Variants in APMAP observed in about 807,000 individuals in gnomAD.
APMAP encodes adipocyte plasma membrane-associated protein.
Under a neutral mutation model 43.6 loss-of-function variants are expected in APMAP, and 33 were observed. That is an observed-to-expected ratio of 0.76 (90% CI 0.57 to 1.01). The LOEUF (loss-of-function observed/expected upper bound fraction) is 1.01. Ranked by LOEUF, APMAP falls within the 50% of genes least tolerant of loss-of-function variation. The probability of loss-of-function intolerance (pLI) is 0.00; values close to 1 mark genes in which losing one functional copy is unlikely to be tolerated. For synonymous variants in APMAP, 224 were observed against 216.7 expected (o/e 1.03, Z -0.30); for missense variants, 498 against 540.7 (o/e 0.92, Z 0.78).
rs547447032 is a variant in APMAP at position 24,983,169 on chromosome 20, A to T, written c.212+734T>A. Among the ~76,000 whole-genome samples the T allele has an allele frequency of 4.9e-3, 750 of 152,384 alleles. 4 individuals are homozygous for T. The highest frequency in any genetic ancestry group is 0.017 in the Middle Eastern group (5 of 294). On this transcript the variant is annotated intron_variant, in intron 2 of 8. Coordinates refer to ENST00000217456, the MANE Select transcript of APMAP (RefSeq NM_020531.3). ...TTAATTTTTATGGATAAAACACTAC[A>T]TTATTCAGCTAGTATGTTATATTCA...
chr20:24,970,060 GCCA>G, intron 6 of APMAP, 134 bp downstream of exon 6: 1 of 1,076,064 alleles, frequency 9.3e-7, no homozygotes, highest in South Asian at 1.6e-5. Flanking sequence ...GCCTCCAGAA[GCCA>G]CTAAGGTCCT....
intron 2 of APMAP, among the ~76,000 whole-genome samples, chr20:24,983,566 T>C (rs2008275): frequency 0.47 from 71,383 of 152,114 alleles, 18,190 homozygotes; most frequent in East Asian, 0.92. Flanking sequence ...TTACAAAATT[T>C]AAATGAGGTA....
intron 8 of APMAP, among the ~76,000 whole-genome samples, chr20:24,964,984 C>T (rs904247085): frequency 6.6e-6 from 1 of 152,174 alleles, no homozygotes; most frequent in Non-Finnish European, 1.5e-5. Context: ...GGATCCTTCC[C>T]ACTCTCCTCT....
chr20:24,970,395 A>G (rs1200651130), intron 5 of APMAP, 24 bp from the exon 6 acceptor site: 10 of 1,594,102 alleles, frequency 6.3e-6, no homozygotes, highest in Admixed American at 5.2e-5. Flanking sequence ...AGAAAGAAAA[A>G]GATTGACTTG....
chr20:24,968,914 C>T lies in APMAP; in HGVS notation c.1019G>A (p.Trp340Ter). ...SMLDFLSERP[W>*]IKRMIFKLFS... ...TACCTTAAAAATCATCCTTTTAATC[C>T]AGGGTCTCTCAGATAAGAAATCCAG... Residue 340 changes from tryptophan to a stop codon, truncating the protein, a stop_gained, in exon 8 of 9, where the codon TGG becomes TAG. Transcript: ENST00000217456. LOFTEE classifies it high-confidence loss of function. 6.3e-7 allele frequency: 1 copy of T among 1,599,460 alleles called. No individual in the cohort carries two copies. The highest frequency in any genetic ancestry group is 1.1e-5 in the South Asian group (1 of 88,216).
At chr20:24,966,102 G>T (rs2087940659) in intron 8 of APMAP, among the ~76,000 whole-genome samples, 1 of 152,144 alleles carries the variant, frequency 6.6e-6, no homozygotes, top group Non-Finnish European at 1.5e-5. Flanking sequence ...CCTCCACAAG[G>T]AACCAGGGCT....
Position 24,980,103 on chromosome 20 carries a change from A to C in APMAP, c.213-1221T>G, listed in dbSNP as rs2088089027. On this transcript the variant is annotated intron_variant, in intron 2 of 8. Coordinates refer to ENST00000217456, the MANE Select transcript of APMAP (RefSeq NM_020531.3). ...TTGTCCCCACTAGAACATACGCTCCATGAGATCAGGGATTTCTTTCTGTGT... is the reference window on the plus strand; with the variant it reads ...TTGTCCCCACTAGAACATACGCTCCCTGAGATCAGGGATTTCTTTCTGTGT... Among the ~76,000 whole-genome samples, 6 of 152,182 alleles carry C rather than the reference A, an allele frequency of 3.9e-5. No homozygotes were observed. In the South Asian group the frequency reaches 1.2e-3, roughly 32 times the overall value.
chr20:24,976,180 G>T (rs1017273244), intron 3 of APMAP, among the ~76,000 whole-genome samples: 1 of 152,138 alleles, frequency 6.6e-6, no homozygotes, highest in Non-Finnish European at 1.5e-5. Flanking sequence ...TGAGATACAT[G>T]AAGAAATAAT....
intron 6 of APMAP, 47 bp downstream of exon 6, chr20:24,970,150 C>G: frequency 6.2e-7 from 1 of 1,606,880 alleles, no homozygotes; most frequent in African/African-American, 1.3e-5. Flanking sequence ...AAGCAACTGG[C>G]CTGGCTGGTG....
At position 24,963,556 on chromosome 20, in the gene APMAP, T is replaced by C. The variant is rs374272526; in HGVS notation, c.*257A>G. 6 of 516,626 alleles carry C rather than the reference T, an allele frequency of 1.2e-5. No homozygotes were observed. The highest frequency in any genetic ancestry group is 1.0e-4 in the Admixed American group (3 of 28,928). The allele number at this position is 516,626 out of a possible 1,614,324, so 32.0% of individuals were successfully genotyped here. On this transcript the variant is annotated 3_prime_UTR_variant, in exon 9 of 9. Transcript: ENST00000217456. ...TGTACTTAGAAAGTTTTGTTTTGTT[T>C]AAGAGAAAATGGCTTTACATGAATT... is the stretch of plus-strand genomic sequence containing the variant.
At chr20:24,991,467 C>T (rs191669336) in intron 1 of APMAP, among the ~76,000 whole-genome samples, 5 of 152,272 alleles carry the variant, frequency 3.3e-5, no homozygotes, top group East Asian at 3.9e-4. Context: ...TTTCACTGGC[C>T]CAAGGAGTCA....
intron 1 of APMAP, among the ~76,000 whole-genome samples, chr20:24,986,944 G>C (rs1201678167): frequency 6.6e-6 from 1 of 152,200 alleles, no homozygotes; most frequent in Admixed American, 6.5e-5. Flanking sequence ...ATGGTGATCT[G>C]CCTATTCTAG....
intron 2 of APMAP, among the ~76,000 whole-genome samples, chr20:24,982,028 T>C (rs1237828124): frequency 2.0e-5 from 3 of 152,216 alleles, no homozygotes. Context: ...CTGCTCTGCA[T>C]TTTGGGGCCT....
intron 1 of APMAP, among the ~76,000 whole-genome samples, chr20:24,987,056 T>C (rs184747098): frequency 9.4e-4 from 143 of 152,380 alleles, no homozygotes; most frequent in African/African-American, 3.2e-3. Flanking sequence ...TATGTATCTG[T>C]ACATGGTTCC....
intron 8 of APMAP, among the ~76,000 whole-genome samples, chr20:24,967,308 A>C (rs926156578): frequency 5.3e-5 from 8 of 152,196 alleles, no homozygotes; most frequent in African/African-American, 1.9e-4. Context: ...AACAAAAAAC[A>C]AAAAAATCTT....
chr20:24,989,077 T>C (rs1229140675), intron 1 of APMAP, among the ~76,000 whole-genome samples: 3 of 152,162 alleles, frequency 2.0e-5, no homozygotes, highest in African/African-American at 7.2e-5. Context: ...ACAATTCTTC[T>C]GTCTTTTCTC....
At chr20:24,964,577 T>A (rs2059227368) in intron 8 of APMAP, among the ~76,000 whole-genome samples, 2 of 152,194 alleles carry the variant, frequency 1.3e-5, no homozygotes, top group Middle Eastern at 3.4e-3. Flanking sequence ...GGCGTGCAGA[T>A]CCTGAGGGAC....
In APMAP at chr20:24,983,983, CA is replaced by C; in HGVS notation, c.131del (p.Leu44Ter). The C allele has an allele frequency of 6.2e-7, 1 of 1,613,904 alleles. No individual in the cohort carries two copies. The highest frequency in any genetic ancestry group is 1.3e-5 in the African/African-American group (1 of 75,000). On this transcript the variant is annotated frameshift_variant, in exon 2 of 9. Transcript: ENST00000217456. LOFTEE classifies it high-confidence loss of function. ...GAACGGTGAGAGAAACAGCCAGCATCAAGAAGGTCACTCGGAAAACTCTGCC... is the reference window on the plus strand; with the variant it reads ...GAACGGTGAGAGAAACAGCCAGCATCAGAAGGTCACTCGGAAAACTCTGCC... Reference protein sequence around the residue: ...FSGRVFRVTFLMLAVSLTVPL... With the variant: ...FSGRVFRVTFXMLAVSLTVPL...
At chr20:24,981,806 A>T (rs1213797149) in intron 2 of APMAP, among the ~76,000 whole-genome samples, 1 of 152,146 alleles carries the variant, frequency 6.6e-6, no homozygotes, top group Non-Finnish European at 1.5e-5. Context: ...ATATTTTTTC[A>T]GTGACTAGAA....
Sources: gnomAD v4.1 joint callset for allele counts (sites outside exome capture counted in the v4.1 genomes callset) on GRCh38, gnomAD v4.1.1 for gene constraint, MANE v1.5 for transcripts, NCBI Gene and HGNC (gene_info 2026-07-23, HGNC 2026-07-21) for gene names.